The following OPHN1 variants were observed in gnomAD, a reference collection of about 807,000 sequenced individuals.
OPHN1 encodes the protein oligophrenin-1.
A neutral mutation model predicts 60.7 loss-of-function variants in OPHN1; 11 were observed. That is an observed-to-expected ratio of 0.18 (90% CI 0.11 to 0.30). OPHN1 has a LOEUF of 0.30. Ranked by LOEUF, OPHN1 falls within the 10% of genes least tolerant of loss-of-function variation. The pLI, the probability that OPHN1 is intolerant of heterozygous loss-of-function variation, is 1.00. For synonymous variants in OPHN1, 226 were observed against 222.6 expected (o/e 1.02, Z -0.14); for missense variants, 449 against 611.0 (o/e 0.73, Z 2.80).
intron 2 of OPHN1, among the ~76,000 whole-genome samples, chrX:68,378,647 A>G: frequency 8.9e-6 from 1 of 112,140 alleles, no homozygotes; most frequent in Non-Finnish European, 1.9e-5. Context: ...ACCTTTCTAC[A>G]TATGGCTAGC....
chrX:68,234,194 C>A (rs961365664), intron 6 of OPHN1, among the ~76,000 whole-genome samples: 1 of 110,264 alleles, frequency 9.1e-6, no homozygotes, highest in African/African-American at 3.3e-5. Context: ...ACTTTATCCT[C>A]GCATGGATTT....
intron 20 of OPHN1, chrX:68,070,904 T>C (rs1442311994): frequency 1.7e-5 from 20 of 1,154,674 alleles, no homozygotes; most frequent in Non-Finnish European, 2.4e-5. Context: ...TCATCAAATT[T>C]CTCAGCAGTG....
chrX:68,158,820 G>C (rs1037761426), intron 15 of OPHN1, among the ~76,000 whole-genome samples: 3 of 111,982 alleles, frequency 2.7e-5, no homozygotes, highest in Non-Finnish European at 3.8e-5. Context: ...TCATGTTATA[G>C]AGGTCTGGAG....
chrX:68,163,835 A>T (rs2077346482), intron 15 of OPHN1, among the ~76,000 whole-genome samples: 1 of 110,977 alleles, frequency 9.0e-6, no homozygotes, highest in Admixed American at 9.7e-5. Flanking sequence ...TTTAATGATT[A>T]GTGCTGTTGG....
At chrX:68,064,225 A>C (rs2076905072) in intron 20 of OPHN1, 48 bp from the exon 21 acceptor site, 2 of 1,146,401 alleles carry the variant, frequency 1.7e-6, no homozygotes, top group Non-Finnish European at 2.4e-6. Context: ...AACTTTTAAA[A>C]CCTTTTCATT....
intron 2 of OPHN1, among the ~76,000 whole-genome samples, chrX:68,395,005 G>A (rs889724110): frequency 6.4e-5 from 7 of 109,706 alleles, no homozygotes; most frequent in African/African-American, 2.3e-4. Flanking sequence ...GCCCAGGCTG[G>A]AGTACAGTGG....
Position 68,193,916 on chromosome X carries a change from T to C in OPHN1, c.1175A>G (p.Lys392Arg). The C allele has an allele frequency of 4.1e-6, 5 of 1,209,115 alleles. No homozygotes were observed. Among genetic ancestry groups the C allele is most frequent in the Non-Finnish European group, 5.6e-6 (5 of 893,221 alleles). The change falls in exon 14 of 25, where the codon AAG becomes AGG. Residue 392 changes from lysine to arginine, a missense_variant. By Grantham distance (26) the Lys-to-Arg change is conservative. This residue lies in a region of OPHN1 where 166 missense variants were observed against 278.4 expected (regional missense o/e 0.60). Transcript: ENST00000355520. ...TTTGGTCTCAATAATATTGATGCAC[T>C]TCCTGACAAACTTGAAGCCCACTTC... ...LNEVGFKFVR[K>R]CINIIETKGI...
rs764179663 is a variant in OPHN1, at chrX:68,234,724, G to C, written c.385-136C>G. The C allele has an allele frequency of 3.7e-5, 19 of 508,282 alleles. No individual in the cohort carries two copies. The African/African-American group carries it at 4.5e-4, about 12-fold the overall frequency. 41.9% of individuals were successfully genotyped at this position (508,282 alleles called of 1,213,427 possible). A position where few individuals can be genotyped will look rare whatever the true frequency, so the allele number is the denominator to read the frequency against. On this transcript the variant is annotated intron_variant, in intron 5 of 24. Transcript: ENST00000355520. ...GCTCCTGGAAGGAAAAAAAAGCAAC[G>C]GAGAATTAACTTTGTATTGGTCTCA... is the stretch of plus-strand genomic sequence containing the variant.
At chrX:68,287,874 T>C (rs2078052745) in intron 3 of OPHN1, among the ~76,000 whole-genome samples, 1 of 112,323 alleles carries the variant, frequency 8.9e-6, no homozygotes, top group African/African-American at 3.2e-5. Context: ...GCTGCTTTTA[T>C]GAAAGATCGA....
intron 2 of OPHN1, among the ~76,000 whole-genome samples, chrX:68,413,300 T>C (rs961481588): frequency 2.7e-5 from 3 of 111,700 alleles, no homozygotes; most frequent in Non-Finnish European, 1.9e-5. Flanking sequence ...TCTCCATTAA[T>C]GTACATTAGC....
intron 15 of OPHN1, among the ~76,000 whole-genome samples, chrX:68,165,377 A>G (rs1396447117): frequency 9.8e-6 from 1 of 102,217 alleles, no homozygotes; most frequent in African/African-American, 3.6e-5. Flanking sequence ...CTAAGAGATG[A>G]TGGTAGAGTT....
intron 20 of OPHN1, among the ~76,000 whole-genome samples, chrX:68,066,091 G>A (rs141989893): frequency 2.8e-3 from 318 of 112,348 alleles, no homozygotes; most frequent in African/African-American, 9.8e-3. Flanking sequence ...GCACAAGAGC[G>A]CCAAATAACT....
intron 2 of OPHN1, among the ~76,000 whole-genome samples, chrX:68,358,456 T>G (rs1328038562): frequency 1.8e-5 from 2 of 112,078 alleles, no homozygotes; most frequent in Non-Finnish European, 3.8e-5. Context: ...AAACAGGATT[T>G]ATAACAAAGG....
intron 5 of OPHN1, among the ~76,000 whole-genome samples, chrX:68,238,061 G>GA (rs2147528503): frequency 9.0e-6 from 1 of 111,580 alleles, no homozygotes; most frequent in East Asian, 2.8e-4. Context: ...ATATTTATCA[G>GA]AAAAGGGTAT....
chrX:68,186,311 G>A (rs2077462219), intron 15 of OPHN1, among the ~76,000 whole-genome samples: 1 of 110,567 alleles, frequency 9.0e-6, no homozygotes, highest in African/African-American at 3.3e-5. Flanking sequence ...AGATGCTCAG[G>A]GCATAGTTCA....
rs1479897203 is a variant in OPHN1, at chrX:68,111,856, G to T, written c.1524C>A (p.Val508=). The T allele has an allele frequency of 4.2e-6, 5 of 1,183,564 alleles. No individual in the cohort carries two copies. The highest frequency in any genetic ancestry group is 5.7e-6 in the Non-Finnish European group (5 of 871,878). Residue 508 remains valine (V), a splice_region_variant and synonymous_variant, in exon 18 of 25, where the codon GTC becomes GTA. Coordinates refer to ENST00000355520, the MANE Select transcript of OPHN1 (RefSeq NM_002547.3). The part of the protein sequence containing the change: ...EMLELLIRHL[V]NVCEHSKENL... Reference sequence around the variant, plus strand: ...CTGAAAATCCAGCAGTTACTTACTTGACCAAGTGTCTTATCAGAAGTTCCA... The same window carrying T: ...CTGAAAATCCAGCAGTTACTTACTTTACCAAGTGTCTTATCAGAAGTTCCA...
chrX:68,275,167 G>T, intron 4 of OPHN1, among the ~76,000 whole-genome samples: 1 of 112,270 alleles, frequency 8.9e-6, no homozygotes, highest in Non-Finnish European at 1.9e-5. Flanking sequence ...GACAATTGCA[G>T]CAAGTGCAAA....
chrX:68,346,895 T>A (rs2078381981), intron 2 of OPHN1, among the ~76,000 whole-genome samples: 1 of 112,454 alleles, frequency 8.9e-6, no homozygotes, highest in African/African-American at 3.2e-5. Context: ...TCTGCGAGAA[T>A]TCTTTTGGGA....
intron 2 of OPHN1, among the ~76,000 whole-genome samples, chrX:68,404,796 A>C (rs535711707): frequency 1.8e-5 from 2 of 112,225 alleles, no homozygotes; most frequent in East Asian, 5.6e-4. Flanking sequence ...AACTCTGAGA[A>C]TGTCAAGCAA....
Sources: gnomAD v4.1 joint callset for allele counts (sites outside exome capture counted in the v4.1 genomes callset) on GRCh38, gnomAD v4.1.1 for gene constraint, gnomAD v4.1.1 regional missense constraint, MANE v1.5 for transcripts, NCBI Gene and HGNC (gene_info 2026-07-23, HGNC 2026-07-21) for gene names.